GRIK2: variants seen among roughly 807,000 people sequenced by gnomAD.
GRIK2 encodes the protein glutamate ionotropic receptor kainate type subunit 2.
A neutral mutation model predicts 100.3 loss-of-function variants in GRIK2; 32 were observed. That is an observed-to-expected ratio of 0.32 (90% CI 0.24 to 0.43). GRIK2 has a LOEUF of 0.43. Among genes scored for constraint, GRIK2 ranks in the 20% least tolerant of loss-of-function variants. The pLI is 1.00. For missense variants in GRIK2, 843 were observed against 1,114.9 expected, an observed-to-expected ratio of 0.76 and a Z score of 3.47; for synonymous variants, 417 against 389.4, an observed-to-expected ratio of 1.07 and a Z score of -0.83.
chr6:101,959,063 C>T (rs1014246889), intron 14 of GRIK2, among the ~76,000 whole-genome samples: 3 of 151,918 alleles, frequency 2.0e-5, no homozygotes, highest in African/African-American at 7.3e-5. Context: ...GGAGGATTCT[C>T]TTCTCATCAA....
At chr6:101,619,709 T>A (rs1050816041) in intron 2 of GRIK2, among the ~76,000 whole-genome samples, 1 of 152,102 alleles carries the variant, frequency 6.6e-6, no homozygotes. Context: ...GTTAACTATT[T>A]TTCTGTTTCA....
chr6:101,814,245 A>T (rs1781500745), intron 9 of GRIK2, among the ~76,000 whole-genome samples: 1 of 152,254 alleles, frequency 6.6e-6, no homozygotes, highest in Non-Finnish European at 1.5e-5. Context: ...GATAAGATTC[A>T]GTAAGAGAAA....
chr6:101,527,925 T>A (rs1213895805), intron 2 of GRIK2, among the ~76,000 whole-genome samples: 1 of 152,160 alleles, frequency 6.6e-6, no homozygotes, highest in Non-Finnish European at 1.5e-5. Context: ...AGTGGTTAAT[T>A]ATTCCAAAGG....
chr6:101,794,630 A>T (rs1780161991), intron 7 of GRIK2, among the ~76,000 whole-genome samples: 1 of 146,154 alleles, frequency 6.8e-6, no homozygotes, highest in Non-Finnish European at 1.5e-5. Flanking sequence ...TAATATCCTG[A>T]TTTTTTTTTC....
At chr6:101,673,378 C>T (rs576704531) in intron 4 of GRIK2, among the ~76,000 whole-genome samples, 6 of 152,280 alleles carry the variant, frequency 3.9e-5, no homozygotes, top group Admixed American at 1.3e-4. Context: ...TTCTTCTCAT[C>T]GGTCCTCCAT....
intron 8 of GRIK2, among the ~76,000 whole-genome samples, chr6:101,800,795 T>C (rs56800677): frequency 0.053 from 8,007 of 152,112 alleles, 498 homozygotes; most frequent in African/African-American, 0.15. Context: ...AGTCCACAGG[T>C]CTGGCGAGAT....
intron 4 of GRIK2, among the ~76,000 whole-genome samples, chr6:101,649,926 G>T (rs1425758661): frequency 6.6e-6 from 1 of 152,042 alleles, no homozygotes; most frequent in Non-Finnish European, 1.5e-5. Context: ...GACTGCAAAG[G>T]AGATCAGTAA....
At chr6:101,696,066 A>G (rs1407059652) in intron 7 of GRIK2, among the ~76,000 whole-genome samples, 1 of 152,048 alleles carries the variant, frequency 6.6e-6, no homozygotes, top group Non-Finnish European at 1.5e-5. Flanking sequence ...TTTTGTTATT[A>G]AATATTAGCT....
intron 4 of GRIK2, among the ~76,000 whole-genome samples, chr6:101,666,726 G>A (rs530685457): frequency 6.0e-4 from 91 of 152,320 alleles, no homozygotes; most frequent in Non-Finnish European, 7.2e-4. Flanking sequence ...ATATGCCAGC[G>A]TACAGACAGT....
At chr6:101,447,550 T>C (rs911622714) in intron 2 of GRIK2, among the ~76,000 whole-genome samples, 1 of 151,734 alleles carries the variant, frequency 6.6e-6, no homozygotes, top group Non-Finnish European at 1.5e-5. Flanking sequence ...TTATGACATA[T>C]GTAGAAATGT....
At chr6:101,741,638 T>G (rs1438270703) in intron 7 of GRIK2, among the ~76,000 whole-genome samples, 2 of 152,222 alleles carry the variant, frequency 1.3e-5, no homozygotes, top group Non-Finnish European at 2.9e-5. Context: ...CCTGTCTCCA[T>G]GGCAGCTGAA....
At chr6:101,494,389 T>C (rs1773315374) in intron 2 of GRIK2, among the ~76,000 whole-genome samples, 1 of 151,906 alleles carries the variant, frequency 6.6e-6, no homozygotes, top group African/African-American at 2.4e-5. Flanking sequence ...AAAAGAGTTA[T>C]AATTTTGGCT....
At chr6:101,861,869 A>G (rs2128444260) in intron 11 of GRIK2, among the ~76,000 whole-genome samples, 1 of 152,296 alleles carries the variant, frequency 6.6e-6, no homozygotes, top group East Asian at 1.9e-4. Context: ...TAACTTGTAT[A>G]TACAGGACCC....
intron 3 of GRIK2, 70 bp from the exon 4 acceptor site, chr6:101,626,310 A>C (rs1780435935): frequency 2.3e-6 from 3 of 1,318,952 alleles, no homozygotes; most frequent in African/African-American, 2.9e-5. Context: ...GTTTAAAATA[A>C]TAATGTGGTA....
intron 8 of GRIK2, among the ~76,000 whole-genome samples, chr6:101,801,516 A>G (rs1780668431): frequency 6.6e-6 from 1 of 151,912 alleles, no homozygotes; most frequent in South Asian, 2.1e-4. Flanking sequence ...ATTACCCTTA[A>G]TCTACTGATA....
chr6:101,800,538 A>AT (rs1320077964), intron 8 of GRIK2, among the ~76,000 whole-genome samples: 1 of 152,014 alleles, frequency 6.6e-6, no homozygotes, highest in East Asian at 1.9e-4. Context: ...ACCATATGAA[A>AT]TTTTTTATTA....
chr6:101,411,210 C>T (rs918504259), intron 2 of GRIK2, among the ~76,000 whole-genome samples: 2 of 152,044 alleles, frequency 1.3e-5, no homozygotes, highest in African/African-American at 4.8e-5. Flanking sequence ...CTTTCTTTTG[C>T]TCTTCCATGT....
intron 12 of GRIK2, among the ~76,000 whole-genome samples, chr6:101,910,345 T>A (rs1788587770): frequency 6.6e-6 from 1 of 151,286 alleles, no homozygotes; most frequent in South Asian, 2.1e-4. Flanking sequence ...TTGGTTTTTT[T>A]AAATCTTGAT....
chr6:101,586,049 A>T (rs1264731642), intron 2 of GRIK2, among the ~76,000 whole-genome samples: 1 of 152,084 alleles, frequency 6.6e-6, no homozygotes, highest in Non-Finnish European at 1.5e-5. Context: ...TACTGTAACA[A>T]TGCAATGCTG....
Sources: gnomAD v4.1 joint callset for allele counts (sites outside exome capture counted in the v4.1 genomes callset) on GRCh38, gnomAD v4.1.1 for gene constraint, MANE v1.5 for transcripts, NCBI Gene and HGNC (gene_info 2026-07-23, HGNC 2026-07-21) for gene names.